Variants in WNK2 observed in about 807,000 individuals in gnomAD.
WNK2 encodes WNK lysine deficient protein kinase 2.
WNK2 carries 67 observed loss-of-function variants against 192.1 expected under a neutral mutation model. The ratio of observed to expected loss-of-function variants is 0.35; its 90% CI spans 0.29 to 0.43. The LOEUF is 0.43. WNK2 is among the 20% of genes least tolerant of loss of function. WNK2 has a pLI of 1.00. For missense variants in WNK2, 2,698 were observed against 3,089.7 expected (o/e 0.87, Z 3.01); for synonymous variants, 1,439 against 1,393.9 (o/e 1.03, Z -0.72).
At chr9:93,314,411 G>A (rs565737227) in intron 28 of WNK2, among the ~76,000 whole-genome samples, 1 of 150,490 alleles carries the variant, frequency 6.6e-6, no homozygotes, top group African/African-American at 2.5e-5. Context: ...TAGTGCCACT[G>A]CACTCCAGCC....
intron 21 of WNK2, among the ~76,000 whole-genome samples, 161 bp downstream of exon 21, chr9:93,290,208 G>A (rs1308328644): frequency 6.6e-6 from 1 of 152,160 alleles, no homozygotes; most frequent in Admixed American, 6.5e-5. Flanking sequence ...CCAGTGTAGG[G>A]CCCAGACACA....
intron 2 of WNK2, among the ~76,000 whole-genome samples, chr9:93,214,013 T>A (rs547298299): frequency 1.1e-4 from 17 of 152,316 alleles, no homozygotes; most frequent in East Asian, 9.7e-4. Context: ...CATATGACAT[T>A]ATTAAATTGT....
At chr9:93,198,264 G>A (rs11790340) in intron 2 of WNK2, among the ~76,000 whole-genome samples, 28,229 of 152,180 alleles carry the variant, frequency 0.19, 2,961 homozygotes, top group African/African-American at 0.29. Context: ...GAACTGCCCC[G>A]CCTCTGAGTT....
chr9:93,318,331 G>A lies in WNK2; in HGVS notation c.6628+700G>A, dbSNP rs1009778714. The A allele has an allele frequency of 3.2e-6, 5 of 1,578,800 alleles. No individual in the cohort carries two copies. In the African/African-American group the frequency reaches 6.8e-5, roughly 21 times the overall value. On this transcript the variant is annotated intron_variant, in intron 29 of 29. Coordinates refer to ENST00000427277, the MANE Select transcript of WNK2 (RefSeq NM_006648.4). ...ACAAACATTGAATTAGCTACCTTAAGTATTGAAGAGCTTCCATTGCTAGGT... is the reference window on the plus strand; with the variant it reads ...ACAAACATTGAATTAGCTACCTTAAATATTGAAGAGCTTCCATTGCTAGGT...
intron 20 of WNK2, 23 bp downstream of exon 20, chr9:93,289,643 A>G (rs1427017470): frequency 6.9e-7 from 1 of 1,441,196 alleles, no homozygotes. Flanking sequence ...CTTGTCCCAG[A>G]GACACTGCCC....
At chr9:93,289,828 G>T in intron 20 of WNK2, 150 bp from the exon 21 acceptor site, 1 of 873,608 alleles carries the variant, frequency 1.1e-6, no homozygotes. Context: ...CTTGTGCAGC[G>T]TCAGGTGACT....
At chr9:93,319,949 T>G (rs1456765320) in intron 29 of WNK2, among the ~76,000 whole-genome samples, 1 of 152,180 alleles carries the variant, frequency 6.6e-6, no homozygotes, top group African/African-American at 2.4e-5. Flanking sequence ...CAGTGTCTCC[T>G]GCCCGGTCCA....
chr9:93,249,817 A>G (rs1225539013), intron 8 of WNK2, among the ~76,000 whole-genome samples: 2 of 151,378 alleles, frequency 1.3e-5, no homozygotes, highest in African/African-American at 2.4e-5. Context: ...TCTTTAAAGT[A>G]GGTAATATAG....
chr9:93,299,372 C>T (rs949986481), intron 25 of WNK2, 111 bp downstream of exon 25: 8 of 1,122,240 alleles, frequency 7.1e-6, no homozygotes, highest in Non-Finnish European at 9.6e-6. Context: ...GTGGCAAAGG[C>T]TGTTGAGAGG....
At chr9:93,194,695 C>T (rs1164875426) in intron 2 of WNK2, among the ~76,000 whole-genome samples, 1 of 152,206 alleles carries the variant, frequency 6.6e-6, no homozygotes, top group African/African-American at 2.4e-5. Context: ...CCAGCAACTG[C>T]GTTCCTTGGT....
chr9:93,207,472 C>T (rs1369290296), intron 2 of WNK2, among the ~76,000 whole-genome samples: 1 of 152,168 alleles, frequency 6.6e-6, no homozygotes, highest in Non-Finnish European at 1.5e-5. Flanking sequence ...CAGTGCACGC[C>T]CAGGGTGATC....
chr9:93,301,800 A>G (rs1364204350), intron 26 of WNK2, among the ~76,000 whole-genome samples: 1 of 152,094 alleles, frequency 6.6e-6, no homozygotes, highest in Non-Finnish European at 1.5e-5. Context: ...CCCAGGCCCC[A>G]CTTCCACCCC....
chr9:93,188,484 C>G (rs1386867789), intron 2 of WNK2, among the ~76,000 whole-genome samples: 1 of 152,236 alleles, frequency 6.6e-6, no homozygotes, highest in African/African-American at 2.4e-5. Context: ...AAGCTGGAAC[C>G]TGCACTGTTT....
At chr9:93,201,126 C>T (rs1832268905) in intron 2 of WNK2, among the ~76,000 whole-genome samples, 1 of 152,186 alleles carries the variant, frequency 6.6e-6, no homozygotes, top group East Asian at 1.9e-4. Context: ...CCCATCCTTT[C>T]CATCCTGTGG....
chr9:93,287,805 C>T (rs915375097), intron 19 of WNK2, among the ~76,000 whole-genome samples: 10 of 152,148 alleles, frequency 6.6e-5, no homozygotes, highest in African/African-American at 2.2e-4. Context: ...TCACACCTGT[C>T]ATCCCAACAC....
At chr9:93,246,413 C>CA (rs1390675942) in intron 7 of WNK2, among the ~76,000 whole-genome samples, 3 of 152,216 alleles carry the variant, frequency 2.0e-5, no homozygotes, top group African/African-American at 7.2e-5. Context: ...CACAAGTACG[C>CA]ATGTGTCTGT....
At chr9:93,197,031 C>T (rs1831392353) in intron 2 of WNK2, among the ~76,000 whole-genome samples, 1 of 152,220 alleles carries the variant, frequency 6.6e-6, no homozygotes, top group South Asian at 2.1e-4. Context: ...GCTCCCTACC[C>T]TCTGTGCCAA....
rs997005236 is a variant in WNK2 at position 93,240,009 on chromosome 9, C to T, written c.1542+33C>T. 1.9e-6 allele frequency: 3 copies of T among 1,581,802 alleles called. No individual in the cohort carries two copies. The Admixed American group carries it at 5.4e-5, about 28-fold the overall frequency. On this transcript the variant is annotated intron_variant, in intron 7 of 29. Coordinates refer to ENST00000427277, the MANE Select transcript of WNK2 (RefSeq NM_006648.4). ...GGACTCAGATGGGGTGAGGTGGGTG[C>T]AGGTGTTGGCAGCTCGTGGTTTCCA...
chr9:93,302,936 T>TC (rs1851866597), intron 26 of WNK2, among the ~76,000 whole-genome samples: 1 of 151,320 alleles, frequency 6.6e-6, no homozygotes, highest in African/African-American at 2.4e-5. Context: ...TTTTTTTTTT[T>TC]GAGACAAAGT....
Sources: allele counts gnomAD v4.1 joint callset (sites outside exome capture counted in the v4.1 genomes callset), GRCh38; gene constraint gnomAD v4.1.1; transcripts MANE v1.5; gene names NCBI Gene and HGNC (gene_info 2026-07-23, HGNC 2026-07-21).